The following NCOR1 variants were observed in gnomAD, a reference collection of about 807,000 sequenced individuals.
The protein encoded by NCOR1 is protein phosphatase 1, regulatory subunit 109.
A neutral mutation model predicts 288.1 loss-of-function variants in NCOR1; 63 were observed. The observed-to-expected ratio is 0.22, with a 90% CI of 0.18 to 0.27. The LOEUF (loss-of-function observed/expected upper bound fraction) is 0.27, where lower values mean the gene tolerates loss of function less well. NCOR1 is among the 10% of genes least tolerant of loss of function. The pLI, the probability that NCOR1 is intolerant of heterozygous loss-of-function variation, is 1.00. For synonymous variants in NCOR1, 1,007 were observed against 1,065.9 expected, an observed-to-expected ratio of 0.94 and a Z score of 1.08; for missense variants, 2,397 against 3,019.2, an observed-to-expected ratio of 0.79 and a Z score of 4.83.
chr17:16,171,147 C>T (rs763976032), intron 4 of NCOR1, among the ~76,000 whole-genome samples: 2 of 151,846 alleles, frequency 1.3e-5, no homozygotes, highest in Admixed American at 6.6e-5. Context: ...GATGTGTTTC[C>T]CAATGTATAC....
At chr17:16,034,540 C>A (rs934745948) in intron 45 of NCOR1, among the ~76,000 whole-genome samples, 1 of 151,904 alleles carries the variant, frequency 6.6e-6, no homozygotes, top group Non-Finnish European at 1.5e-5. Flanking sequence ...CCTCAGAGGT[C>A]GAGGCTGCAG....
At chr17:16,139,397 G>C (rs905746380) in intron 11 of NCOR1, among the ~76,000 whole-genome samples, 25 of 152,046 alleles carry the variant, frequency 1.6e-4, no homozygotes, top group African/African-American at 5.3e-4. Flanking sequence ...TATCCATATC[G>C]TTTTTTAAAT....
intron 23 of NCOR1, among the ~76,000 whole-genome samples, chr17:16,081,681 G>C (rs1002062141): frequency 2.1e-4 from 32 of 152,138 alleles, no homozygotes; most frequent in African/African-American, 7.5e-4. Flanking sequence ...GACTGGAGTG[G>C]GAGAGGAGGT....
chr17:16,070,579 T>C, intron 30 of NCOR1, 54 bp from the exon 31 acceptor site: 2 of 1,577,508 alleles, frequency 1.3e-6, no homozygotes, highest in Non-Finnish European at 1.7e-6. Flanking sequence ...GCTACTTTTC[T>C]ATCTCAGGTC....
chr17:16,113,927 A>C (rs76399501), intron 18 of NCOR1, among the ~76,000 whole-genome samples: 1 of 151,900 alleles, frequency 6.6e-6, no homozygotes, highest in Non-Finnish European at 1.5e-5. Context: ...TCTGTAACCT[A>C]TCTTACGTTT....
At chr17:16,127,378 T>C (rs945225966) in intron 14 of NCOR1, among the ~76,000 whole-genome samples, 1 of 129,406 alleles carries the variant, frequency 7.7e-6, no homozygotes, top group East Asian at 2.1e-4. Context: ...TGTATGTATA[T>C]ATGTATGTAT....
At chr17:16,035,341 TA>T (rs761364694) in intron 44 of NCOR1, among the ~76,000 whole-genome samples, 6 of 152,204 alleles carry the variant, frequency 3.9e-5, no homozygotes, top group Non-Finnish European at 8.8e-5. Context: ...TGGGTTTATG[TA>T]ATGTAGTATT....
intron 2 of NCOR1, among the ~76,000 whole-genome samples, chr17:16,191,191 T>C (rs1217895836): frequency 6.6e-6 from 1 of 152,102 alleles, no homozygotes; most frequent in Non-Finnish European, 1.5e-5. Context: ...AAGCAAACAA[T>C]TCCCTGAGCT....
At chr17:16,139,495 G>T (rs1327878677) in intron 11 of NCOR1, among the ~76,000 whole-genome samples, 1 of 152,126 alleles carries the variant, frequency 6.6e-6, no homozygotes, top group Non-Finnish European at 1.5e-5. Context: ...AAAAAGTAAT[G>T]TCAAGTTCAC....
intron 5 of NCOR1, 139 bp from the exon 6 acceptor site, chr17:16,159,012 G>A: frequency 2.0e-6 from 1 of 489,600 alleles, no homozygotes; most frequent in South Asian, 3.9e-5. Context: ...AAGGTCTCAT[G>A]GACCAAGAGC....
chr17:16,201,496 G>A (rs1240808963), intron 1 of NCOR1, among the ~76,000 whole-genome samples: 2 of 152,130 alleles, frequency 1.3e-5, no homozygotes, highest in Admixed American at 1.3e-4. Flanking sequence ...CTACTCAGGA[G>A]GCTGAGCAAG....
intron 14 of NCOR1, among the ~76,000 whole-genome samples, chr17:16,132,511 CAT>C (rs1262861529): frequency 3.3e-5 from 5 of 152,162 alleles, no homozygotes; most frequent in African/African-American, 1.2e-4. Flanking sequence ...TCAACAAAAA[CAT>C]ATAGAGAACC....
chr17:16,182,976 C>T (rs2085806918), intron 3 of NCOR1, among the ~76,000 whole-genome samples: 1 of 151,646 alleles, frequency 6.6e-6, no homozygotes, highest in African/African-American at 2.4e-5. Flanking sequence ...TTCAAAAAGT[C>T]CAAAATCTTT....
At chr17:16,080,121 A>G in intron 25 of NCOR1, 57 bp from the exon 26 acceptor site, 2 of 1,420,090 alleles carry the variant, frequency 1.4e-6, no homozygotes, top group South Asian at 1.2e-5. Flanking sequence ...CCCAAAACAT[A>G]AAAAAACAGC....
At chr17:16,044,880 C>A in intron 42 of NCOR1, 1 of 754,878 alleles carries the variant, frequency 1.3e-6, no homozygotes. Flanking sequence ...TGCTGCTGCT[C>A]CAGCTGAGAA....
At chr17:16,146,348 C>G in intron 10 of NCOR1, 28 bp downstream of exon 10, 1 of 1,544,570 alleles carries the variant, frequency 6.5e-7, no homozygotes, top group South Asian at 1.3e-5. Flanking sequence ...AGAAAAATAT[C>G]ACAGTCATTA....
chr17:16,134,933 G>A (rs1163883486), intron 14 of NCOR1, among the ~76,000 whole-genome samples: 2 of 152,134 alleles, frequency 1.3e-5, no homozygotes, highest in African/African-American at 4.8e-5. Flanking sequence ...GCCGAGGCGG[G>A]CAGATCACGA....
At chr17:16,082,079 C>T (rs578153442) in intron 23 of NCOR1, among the ~76,000 whole-genome samples, 2 of 152,254 alleles carry the variant, frequency 1.3e-5, no homozygotes, top group South Asian at 4.2e-4. Context: ...ATTAGCTGAT[C>T]ACTAAGTTAA....
chr17:16,057,352 A>C, intron 40 of NCOR1, 162 bp downstream of exon 40: 1 of 658,460 alleles, frequency 1.5e-6, no homozygotes, highest in Non-Finnish European at 2.6e-6. Context: ...GACAGTGGAC[A>C]TTCTAAGAAT....
Sources: gnomAD v4.1 joint callset for allele counts (sites outside exome capture counted in the v4.1 genomes callset) on GRCh38, gnomAD v4.1.1 for gene constraint, MANE v1.5 for transcripts, NCBI Gene and HGNC (gene_info 2026-07-23, HGNC 2026-07-21) for gene names.